The following CCSER1 variants were observed in gnomAD, a reference collection of about 807,000 sequenced individuals.
The protein encoded by CCSER1 is coiled-coil serine rich protein 1.
In CCSER1, 41 loss-of-function variants were observed where a neutral mutation model predicts 82.0. The ratio of observed to expected loss-of-function variants is 0.50; its 90% confidence interval spans 0.39 to 0.65. The LOEUF is 0.65. Ranked by LOEUF, CCSER1 falls within the 30% of genes least tolerant of loss-of-function variation. CCSER1 has a pLI of 0.00. For synonymous variants in CCSER1, 414 were observed against 383.9 expected, an observed-to-expected ratio of 1.08 and a Z score of -0.92; for missense variants, 1,119 against 1,064.2, an observed-to-expected ratio of 1.05 and a Z score of -0.72.
At chr4:90,990,243 A>T (rs967109080) in intron 9 of CCSER1, among the ~76,000 whole-genome samples, 1 of 151,980 alleles carries the variant, frequency 6.6e-6, no homozygotes, top group Admixed American at 6.6e-5. Flanking sequence ...AGATATACGA[A>T]TGTCACCCTA....
intron 9 of CCSER1, among the ~76,000 whole-genome samples, chr4:90,949,440 C>G (rs71611413): frequency 0.028 from 4,227 of 151,980 alleles, 84 homozygotes; most frequent in South Asian, 0.065. Context: ...GAACATAATA[C>G]GGTAAATAGG....
Position 91,494,864 on chromosome 4 carries a change from AATGTCATTAATTTTATTTT to A in CCSER1, c.2218-103686_2218-103668del, listed in dbSNP as rs1307983139. ...TTTCAAAGGAAGAGGTCATTTTTAA[AATGTCATTAATTTTATTTT>A]ATGTCATTAATTTTATTTTATTATA... On this transcript the variant is annotated intron_variant, in intron 10 of 10. Transcript: ENST00000509176. Among the ~76,000 whole-genome samples the A allele has an allele frequency of 2.6e-4, 40 of 151,884 alleles. No homozygotes were observed. In the Middle Eastern group the frequency reaches 0.014, roughly 52 times the overall value.
chr4:90,445,049 G>T (rs1315516578), intron 4 of CCSER1, among the ~76,000 whole-genome samples: 1 of 151,814 alleles, frequency 6.6e-6, no homozygotes, highest in Non-Finnish European at 1.5e-5. Context: ...AAAAAAAACA[G>T]TTACAGATTA....
At chr4:91,244,290 C>A (rs567636977) in intron 10 of CCSER1, among the ~76,000 whole-genome samples, 1 of 152,286 alleles carries the variant, frequency 6.6e-6, no homozygotes, top group East Asian at 1.9e-4. Context: ...AGACTCTAAG[C>A]CCTGGTTCAC....
chr4:90,923,044 G>A (rs995005807), intron 8 of CCSER1, among the ~76,000 whole-genome samples: 1 of 152,036 alleles, frequency 6.6e-6, no homozygotes, highest in Admixed American at 6.6e-5. Context: ...CAAAATAATA[G>A]CAACTAAGTT....
chr4:90,565,193 T>G (rs1779218915), intron 5 of CCSER1, among the ~76,000 whole-genome samples: 1 of 152,002 alleles, frequency 6.6e-6, no homozygotes, highest in South Asian at 2.1e-4. Flanking sequence ...TCTTCAATTT[T>G]TTTTCATTAA....
At chr4:90,280,763 G>A (rs968751771) in intron 1 of CCSER1, among the ~76,000 whole-genome samples, 1 of 147,726 alleles carries the variant, frequency 6.8e-6, no homozygotes, top group Non-Finnish European at 1.5e-5. Flanking sequence ...AGCCCAGAAT[G>A]TGCTGACACT....
At chr4:91,361,480 G>A (rs1053216865) in intron 10 of CCSER1, among the ~76,000 whole-genome samples, 1 of 151,768 alleles carries the variant, frequency 6.6e-6, no homozygotes, top group Non-Finnish European at 1.5e-5. Flanking sequence ...TAATAATAAT[G>A]GGAATGGATG....
intron 9 of CCSER1, among the ~76,000 whole-genome samples, chr4:91,084,475 A>G (rs566259570): frequency 6.6e-6 from 1 of 152,272 alleles, no homozygotes; most frequent in East Asian, 1.9e-4. Flanking sequence ...GTTAAAGGGC[A>G]TAGAGAAGAA....
At chr4:91,562,902 C>A (rs1762719923) in intron 10 of CCSER1, among the ~76,000 whole-genome samples, 1 of 151,482 alleles carries the variant, frequency 6.6e-6, no homozygotes, top group Non-Finnish European at 1.5e-5. Context: ...GAGAGTCTAA[C>A]AAGTTGTAGA....
At chr4:90,685,720 G>T (rs1008765074) in intron 6 of CCSER1, among the ~76,000 whole-genome samples, 1 of 152,054 alleles carries the variant, frequency 6.6e-6, no homozygotes, top group African/African-American at 2.4e-5. Context: ...TTGGAAAACA[G>T]GAAAGACAAC....
intron 10 of CCSER1, among the ~76,000 whole-genome samples, chr4:91,550,382 T>G (rs1762105249): frequency 6.6e-6 from 1 of 152,188 alleles, no homozygotes; most frequent in African/African-American, 2.4e-5. Context: ...CTCCAGCAAT[T>G]CATCAATTAC....
chr4:91,587,391 C>T (rs1183690815), intron 10 of CCSER1, among the ~76,000 whole-genome samples: 2 of 151,680 alleles, frequency 1.3e-5, no homozygotes, highest in Non-Finnish European at 3.0e-5. Flanking sequence ...TATCCTAAGC[C>T]AATATCTTAT....
intron 10 of CCSER1, among the ~76,000 whole-genome samples, chr4:91,391,232 TAATA>T (rs1751631968): frequency 6.6e-6 from 1 of 152,162 alleles, no homozygotes; most frequent in South Asian, 2.1e-4. Context: ...CTAAAAAATT[TAATA>T]AATTATATTT....
intron 1 of CCSER1, among the ~76,000 whole-genome samples, chr4:90,170,867 T>G (rs1731531991): frequency 6.6e-6 from 1 of 151,920 alleles, no homozygotes; most frequent in Admixed American, 6.6e-5. Context: ...ATTTCCTTTC[T>G]TCTGAGTATG....
chr4:91,364,583 A>G lies in CCSER1; in HGVS notation c.2218-233989A>G, dbSNP rs116551319. 5.3e-3 allele frequency among the ~76,000 whole-genome samples: 809 copies of G among 152,200 alleles called. 6 individuals carry two copies. Among genetic ancestry groups the G allele is most frequent in the African/African-American group, 0.018 (768 of 41,570 alleles). ...CTCTCAACTGTATGATATTATATGA[A>G]GAGTTAATTCTCATATTTAGTCTAG... On this transcript the variant is annotated intron_variant, in intron 10 of 10. Coordinates refer to ENST00000509176, the MANE Select transcript of CCSER1 (RefSeq NM_001145065.2).
At chr4:90,353,361 G>T (rs1416958647) in intron 3 of CCSER1, among the ~76,000 whole-genome samples, 2 of 151,928 alleles carry the variant, frequency 1.3e-5, no homozygotes, top group Admixed American at 1.3e-4. Context: ...AGCCTTGAAT[G>T]ACTTTTTAAA....
At chr4:91,277,315 T>C (rs1742543611) in intron 10 of CCSER1, among the ~76,000 whole-genome samples, 1 of 152,018 alleles carries the variant, frequency 6.6e-6, no homozygotes, top group Non-Finnish European at 1.5e-5. Context: ...GGACTTCTTT[T>C]GGCGGGGCTT....
intron 5 of CCSER1, among the ~76,000 whole-genome samples, chr4:90,517,149 T>C (rs1186923548): frequency 6.6e-6 from 1 of 152,182 alleles, no homozygotes; most frequent in Non-Finnish European, 1.5e-5. Context: ...CAAAATCATC[T>C]AACACGAAGC....
Sources: allele counts gnomAD v4.1 joint callset (sites outside exome capture counted in the v4.1 genomes callset), GRCh38; gene constraint gnomAD v4.1.1; transcripts MANE v1.5; gene names NCBI Gene and HGNC (gene_info 2026-07-23, HGNC 2026-07-21).